The following ABL1 variants were observed in gnomAD, a reference collection of about 807,000 sequenced individuals.
ABL1 encodes the protein tyrosine-protein kinase ABL1.
A neutral mutation model predicts 94.7 loss-of-function variants in ABL1; 11 were observed. The observed-to-expected ratio is 0.12, with a 90% confidence interval of 0.07 to 0.19. The LOEUF (loss-of-function observed/expected upper bound fraction) is 0.19, where lower values mean the gene tolerates loss of function less well. Ranked by LOEUF, ABL1 falls within the 10% of genes least tolerant of loss-of-function variation. The pLI, the probability that ABL1 is intolerant of heterozygous loss-of-function variation, is 1.00. For synonymous variants in ABL1, 656 were observed against 622.4 expected (o/e 1.05, Z -0.80); for missense variants, 1,082 against 1,489.4 (o/e 0.73, Z 4.50).
In ABL1 at chr9:130,885,617, G is replaced by A. The variant is rs149678602; in HGVS notation, c.3327G>A (p.Ala1109=). ...CGGCGACAGCAGGCAGTGGTCCAGC[G>A]GCCACTCAGGACTTCAGCAAGCTCC... ...ICPATAGSGP[A]ATQDFSKLLS... is the part of the protein sequence containing the mutation. The change falls in exon 11 of 11, where the codon GCG becomes GCA. Residue 1109 remains alanine (A), a synonymous_variant. Transcript: ENST00000318560. The A allele has an allele frequency of 3.4e-5, 55 of 1,613,252 alleles. No homozygotes were observed. Among genetic ancestry groups the A allele is most frequent in the African/African-American group, 6.7e-5 (5 of 74,944 alleles).
In ABL1 at chr9:130,852,501, G is replaced by A. The variant is rs182336015; in HGVS notation, c.80-1563G>A. ...TAGGGTTACAGGCATGAGCTACTGT[G>A]CCTGGCCCAGTTAGTGATTTTTAAA... On this transcript the variant is annotated intron_variant, in intron 1 of 10. Transcript: ENST00000318560. 9.8e-5 allele frequency among the ~76,000 whole-genome samples: 15 copies of A among 152,288 alleles called. 1 individual carries two copies. In the East Asian group the frequency reaches 2.1e-3, roughly 22 times the overall value.
In ABL1 at chr9:130,766,709, T is replaced by G. The variant is rs190458666; in HGVS notation, c.136+52254T>G. Among the ~76,000 whole-genome samples, 4 of 152,140 alleles carry G rather than the reference T, an allele frequency of 2.6e-5. No homozygotes were observed. In the East Asian group the frequency reaches 7.7e-4, roughly 29 times the overall value. On this transcript the variant is annotated intron_variant, in intron 1 of 10. Transcript: ENST00000372348. ...CTTTCTTGTCCGATACAGTCACAAG[T>G]GCCTAGAATAAACCTCACACCACCC...
In ABL1 at chr9:130,887,450, A is replaced by G. The variant is rs920128083; in HGVS notation, c.*1767A>G. ...CTTCCTTTTGTTAACGTGATGTGCC[A>G]CTATATTTTACACGTATCTCTTGGT... On this transcript the variant is annotated 3_prime_UTR_variant, in exon 11 of 11. Transcript: ENST00000318560. 1 of 233,242 alleles carries G rather than the reference A, an allele frequency of 4.3e-6. No individual in the cohort carries two copies. Among genetic ancestry groups the G allele is most frequent in the African/African-American group, 2.2e-5 (1 of 45,310 alleles). The allele number at this position is 233,242 out of a possible 1,614,324, so 14.4% of individuals were successfully genotyped here.
intron 6 of ABL1, 127 bp downstream of exon 6, chr9:130,873,164 T>C: frequency 1.0e-6 from 1 of 996,568 alleles, no homozygotes; most frequent in Non-Finnish European, 1.4e-6. Context: ...GGCAACACAT[T>C]GGACCTTGGA....
chr9:130,838,723 C>T (rs537153360), intron 1 of ABL1, among the ~76,000 whole-genome samples: 16 of 152,180 alleles, frequency 1.1e-4, no homozygotes, highest in East Asian at 3.8e-4. Flanking sequence ...CCCCTGGAGA[C>T]GTCAAAGAAA....
At chr9:130,826,196 C>A (rs912976064) in intron 1 of ABL1, among the ~76,000 whole-genome samples, 1 of 151,748 alleles carries the variant, frequency 6.6e-6, no homozygotes, top group Admixed American at 6.6e-5. Flanking sequence ...TTTCGGCTCA[C>A]TGCAACCTCC....
chr9:130,718,807 G>A (rs930715649), intron 1 of ABL1, among the ~76,000 whole-genome samples: 2 of 151,994 alleles, frequency 1.3e-5, no homozygotes, highest in Non-Finnish European at 2.9e-5. Flanking sequence ...ACTTGAGCTC[G>A]GGAGGCCAAT....
chr9:130,775,585 A>T (rs1299958416), intron 1 of ABL1, among the ~76,000 whole-genome samples: 8 of 152,140 alleles, frequency 5.3e-5, no homozygotes, highest in Admixed American at 5.2e-4. Context: ...CAGCATAGAG[A>T]GACAGAAGTC....
At chr9:130,714,310 T>G (rs757180858) in exon 1 of ABL1, 2 of 1,591,508 alleles carry the variant, frequency 1.3e-6, no homozygotes, top group Non-Finnish European at 1.7e-6. Context: ...GGGGTACCTA[T>G]TATTACTTTA....
chr9:130,826,782 T>C (rs1830430821), intron 1 of ABL1, among the ~76,000 whole-genome samples: 1 of 152,050 alleles, frequency 6.6e-6, no homozygotes, highest in Non-Finnish European at 1.5e-5. Flanking sequence ...AGAGGCATTA[T>C]ATTGAGAAAT....
intron 1 of ABL1, among the ~76,000 whole-genome samples, chr9:130,787,524 G>A (rs1829846099): frequency 6.6e-6 from 1 of 152,160 alleles, no homozygotes; most frequent in Admixed American, 6.5e-5. Flanking sequence ...GGGTCCCGGG[G>A]ACAGGGAAGG....
At chr9:130,763,650 C>A (rs931508544) in intron 1 of ABL1, among the ~76,000 whole-genome samples, 1 of 152,186 alleles carries the variant, frequency 6.6e-6, no homozygotes, top group African/African-American at 2.4e-5. Context: ...GGCCACAGTT[C>A]CTTGCCACAC....
Position 130,884,302 on chromosome 9 carries a change from G to A in ABL1, c.2012G>A (p.Gly671Glu), listed in dbSNP as rs760387947. 7 of 1,609,360 alleles carry A rather than the reference G, an allele frequency of 4.3e-6. No homozygotes were observed. In the South Asian group the frequency reaches 5.5e-5, roughly 13 times the overall value. ...KPSNGAGVPN[G>E]ALRESGGSGF... ...AGCAATGGGGCTGGGGTCCCCAATG[G>A]AGCCCTCCGGGAGTCCGGGGGCTCA... The change falls in exon 11 of 11, where the codon GGA (glycine) becomes GAA (glutamate). Residue 671 changes from glycine to glutamate, a missense_variant. Around this residue, in one of 7 missense-constraint regions of ABL1, gnomAD observed 780 missense variants for 835.8 expected, o/e 0.93. Coordinates refer to ENST00000318560, the MANE Select transcript of ABL1 (RefSeq NM_005157.6). This position sits in a 1 kb window ranked among gnomAD's most constrained non-coding sequence, Gnocchi z 5.6.
chr9:130,821,872 G>A lies in ABL1; in HGVS notation c.137-32192G>A, dbSNP rs547621900. 8.4e-4 allele frequency among the ~76,000 whole-genome samples: 121 copies of A among 143,782 alleles called. 1 individual carries two copies. The South Asian group carries it at 0.013, about 15-fold the overall frequency. The allele number at this position is 143,782 out of a possible 152,430, so 94.3% of individuals were successfully genotyped here. On this transcript the variant is annotated intron_variant, in intron 1 of 10. Transcript: ENST00000372348. The stretch of plus-strand genomic sequence containing the variant: ...TTTTTTTTTTTTGAGACAGAGTCTC[G>A]CTCTGTCACCCAGGCTGGAGTGCAG...
chr9:130,881,126 C>T (rs1307549219), intron 10 of ABL1, among the ~76,000 whole-genome samples: 2 of 152,208 alleles, frequency 1.3e-5, no homozygotes, highest in Non-Finnish European at 2.9e-5. Flanking sequence ...CTGGGAAGAG[C>T]ATCTTTCTGG....
chr9:130,772,660 A>T (rs1383476314), intron 1 of ABL1, among the ~76,000 whole-genome samples: 1 of 152,180 alleles, frequency 6.6e-6, no homozygotes. Flanking sequence ...TCTGTTGAAA[A>T]GAGGAAAGTG....
chr9:130,885,003 G>A lies in ABL1; in HGVS notation c.2713G>A (p.Ala905Thr), dbSNP rs760177951. The change falls in exon 11 of 11, where the codon GCC becomes ACC. Residue 905 changes from alanine to threonine, a missense_variant. Transcript: ENST00000318560. ...ACCTGCCCCGCCGCCCCCACCAGCA[G>A]CCTCTGCAGGGAAGGCTGGAGGAAA... ...LKPAPPPPPAASAGKAGGKPS... is the reference protein window; with the variant it reads ...LKPAPPPPPATSAGKAGGKPS... 1.2e-6 allele frequency: 2 copies of A among 1,611,670 alleles called. No homozygotes were observed. The highest frequency in any genetic ancestry group is 1.7e-6 in the Non-Finnish European group (2 of 1,179,606).
intron 6 of ABL1, 81 bp from the exon 7 acceptor site, chr9:130,874,787 G>T: frequency 4.9e-6 from 7 of 1,415,564 alleles, no homozygotes; most frequent in Non-Finnish European, 6.9e-6. Context: ...TGTCAGCATT[G>T]CACCTTTGCT....
rs774769206 is a variant in ABL1, at chr9:130,790,344, CAT to C, written c.137-63719_137-63718del. On this transcript the variant is annotated intron_variant, in intron 1 of 10. Coordinates refer to the ABL1 transcript ENST00000372348. ...CATGCTGTGAGGGGCCTCATGCACACATGTGTACATACTTCAGCCTGCATATC... is the reference window on the plus strand; with the variant it reads ...CATGCTGTGAGGGGCCTCATGCACACGTGTACATACTTCAGCCTGCATATC... 2.6e-5 allele frequency among the ~76,000 whole-genome samples: 4 copies of C among 152,368 alleles called. No individual in the cohort carries two copies. The Middle Eastern group carries it at 0.01, about 389-fold the overall frequency.
Sources: gnomAD v4.1 joint callset for allele counts (sites outside exome capture counted in the v4.1 genomes callset) on GRCh38, gnomAD v4.1.1 for gene constraint, gnomAD v4.1.1 regional missense constraint, Gnocchi (gnomAD v3.1) non-coding constraint, MANE v1.5 for transcripts, NCBI Gene and HGNC (gene_info 2026-07-23, HGNC 2026-07-21) for gene names.